COL12A1: variants seen among roughly 807,000 people sequenced by gnomAD.
The protein encoded by COL12A1 is collagen alpha-1(XII) chain.
A neutral mutation model predicts 349.7 loss-of-function variants in COL12A1; 114 were observed. That is an observed-to-expected ratio of 0.33 (90% CI 0.28 to 0.38). COL12A1 has a LOEUF of 0.38. COL12A1 is among the 10% of genes least tolerant of loss of function. The pLI is 1.00. For missense variants in COL12A1, 3,284 were observed against 3,756.9 expected (o/e 0.87, Z 3.29); for synonymous variants, 1,369 against 1,329.0 (o/e 1.03, Z -0.66).
rs560250 is a variant in COL12A1, at chr6:75,085,756, T to C, written c.*791A>G. On this transcript the variant is annotated 3_prime_UTR_variant, in exon 66 of 66. Transcript: ENST00000322507. ...GATGAGGAGGTGAGGGGAAGTTTCA[T>C]TGGCTCCTAGAAACTGAACTCGGGG... is the stretch of plus-strand genomic sequence containing the variant. The C allele has an allele frequency of 0.062, 13,032 of 210,878 alleles. 1,748 individuals carry two copies. Among genetic ancestry groups the C allele is most frequent in the African/African-American group, 0.28 (12,190 of 43,268 alleles). 13.1% of individuals were successfully genotyped at this position (210,878 alleles called of 1,614,324 possible).
chr6:75,126,332 G>T lies in COL12A1; in HGVS notation c.6460+19C>A. 2 of 1,601,220 alleles carry T rather than the reference G, an allele frequency of 1.2e-6. No homozygotes were observed. The highest frequency in any genetic ancestry group is 2.2e-5 in the South Asian group (2 of 89,858). On this transcript the variant is annotated intron_variant, in intron 39 of 65. Transcript: ENST00000322507. ...TAACCCTCCAAAGCATTTCTATGATGACAAAGGCACTTCCTTACCCACTGG... is the reference window on the plus strand; with the variant it reads ...TAACCCTCCAAAGCATTTCTATGATTACAAAGGCACTTCCTTACCCACTGG...
Position 75,103,655 on chromosome 6 carries a change from T to C in COL12A1, c.8319+102A>G, listed in dbSNP as rs183037492. ...TATATTACCTGAGGCACACTGAACC[T>C]GAGCTGACTTGCTCAAGATCACATA... On this transcript the variant is annotated intron_variant, in intron 55 of 65. Transcript: ENST00000322507. 455 of 892,404 alleles carry C rather than the reference T, an allele frequency of 5.1e-4. No individual in the cohort carries two copies. In the African/African-American group the frequency reaches 6.8e-3, roughly 13 times the overall value. The allele number at this position is 892,404 out of a possible 1,614,324, so 55.3% of individuals were successfully genotyped here.
chr6:75,145,563 G>A, intron 24 of COL12A1, 108 bp from the exon 25 acceptor site: 1 of 874,070 alleles, frequency 1.1e-6, no homozygotes, highest in East Asian at 3.9e-5. Flanking sequence ...AATACAGCTT[G>A]TATTTTTCAT....
At chr6:75,161,755 C>A (rs893688890) in intron 14 of COL12A1, among the ~76,000 whole-genome samples, 2 of 152,202 alleles carry the variant, frequency 1.3e-5, no homozygotes, top group Non-Finnish European at 2.9e-5. Context: ...ATTTAGAAAA[C>A]CTCACTGTCT....
chr6:75,142,274 A>G, intron 26 of COL12A1, 113 bp from the exon 27 acceptor site: 1 of 1,298,714 alleles, frequency 7.7e-7, no homozygotes, highest in Non-Finnish European at 1.1e-6. Context: ...ATCAGAAAAG[A>G]GCAGTGTTTT....
At chr6:75,087,302 T>TA (rs1767548390) in intron 65 of COL12A1, 3 of 408,374 alleles carry the variant, frequency 7.3e-6, no homozygotes, top group African/African-American at 6.2e-5. Flanking sequence ...AGTCAATTAC[T>TA]AGCATGCTTT....
chr6:75,131,181 A>T (rs1766283750), intron 35 of COL12A1, among the ~76,000 whole-genome samples, 200 bp from the exon 36 acceptor site: 1 of 152,136 alleles, frequency 6.6e-6, no homozygotes, highest in African/African-American at 2.4e-5. Flanking sequence ...CAAAAAAGTG[A>T]CCTCATCCTT....
At chr6:75,095,458 A>C (rs1767961516) in intron 59 of COL12A1, among the ~76,000 whole-genome samples, 1 of 151,810 alleles carries the variant, frequency 6.6e-6, no homozygotes, top group Non-Finnish European at 1.5e-5. Context: ...TCTACTAAAA[A>C]TACAAAAAAT....
Position 75,133,279 on chromosome 6 carries a change from G to T in COL12A1, c.5794+14C>A. ...CTTATGATGAAAAATTAATTTTTTGGCTTTATTACTTACATGTCCTTCCAG... is the reference window on the plus strand; with the variant it reads ...CTTATGATGAAAAATTAATTTTTTGTCTTTATTACTTACATGTCCTTCCAG... On this transcript the variant is annotated intron_variant, in intron 34 of 65. Coordinates refer to ENST00000322507, the MANE Select transcript of COL12A1 (RefSeq NM_004370.6). 2 of 1,554,870 alleles carry T rather than the reference G, an allele frequency of 1.3e-6. No homozygotes were observed. The highest frequency in any genetic ancestry group is 1.3e-5 in the South Asian group (1 of 77,742).
chr6:75,184,731 A>G (rs1438840105), intron 8 of COL12A1, among the ~76,000 whole-genome samples: 1 of 152,232 alleles, frequency 6.6e-6, no homozygotes, highest in Non-Finnish European at 1.5e-5. Context: ...AGGGGAAACA[A>G]TGGCTTATAA....
At chr6:75,155,566 AGT>A in intron 16 of COL12A1, 94 bp downstream of exon 16, 5 of 1,193,670 alleles carry the variant, frequency 4.2e-6, no homozygotes, top group Non-Finnish European at 5.9e-6. Context: ...CAGACATATA[AGT>A]GATATTTGTG....
At chr6:75,127,225 A>G (rs779875113) in intron 38 of COL12A1, among the ~76,000 whole-genome samples, 8 of 152,180 alleles carry the variant, frequency 5.3e-5, no homozygotes, top group Non-Finnish European at 1.0e-4. Flanking sequence ...AATATAGTCT[A>G]AAATCTGAGA....
At chr6:75,125,099 C>T (rs902380689) in intron 40 of COL12A1, 28 bp downstream of exon 40, 1 of 1,552,804 alleles carries the variant, frequency 6.4e-7, no homozygotes, top group Non-Finnish European at 8.7e-7. Context: ...CAGTTTTTCT[C>T]ACAACCATGA....
chr6:75,145,611 C>CTTTTTTTT (rs56698330), intron 24 of COL12A1, among the ~76,000 whole-genome samples, 156 bp from the exon 25 acceptor site: 5 of 121,176 alleles, frequency 4.1e-5, no homozygotes, highest in African/African-American at 1.6e-4. Flanking sequence ...CTGATGTTTT[C>CTTTTTTTT]TTTTTTTTTT....
rs369338731 is a variant in COL12A1 at position 75,117,316 on chromosome 6, A to G, written c.7519+66T>C. On this transcript the variant is annotated intron_variant, in intron 47 of 65. Coordinates refer to ENST00000322507, the MANE Select transcript of COL12A1 (RefSeq NM_004370.6). ...GACTTGATCCCACAAAGGATATAGA[A>G]TTGTCTACTAAGTAATTGTTTTTCA... is the stretch of plus-strand genomic sequence containing the variant. 28 of 1,517,118 alleles carry G rather than the reference A, an allele frequency of 1.8e-5. 1 individual carries two copies. The highest frequency in any genetic ancestry group is 1.1e-4 in the East Asian group (5 of 44,170). 94.0% of individuals were successfully genotyped at this position (1,517,118 alleles called of 1,614,324 possible).
At chr6:75,143,827 T>C (rs145038057) in intron 25 of COL12A1, among the ~76,000 whole-genome samples, 58 of 152,302 alleles carry the variant, frequency 3.8e-4, no homozygotes, top group African/African-American at 1.3e-3. Flanking sequence ...AGAATGAAGA[T>C]GAGCCCAACA....
chr6:75,136,257 G>A (rs193194209), intron 31 of COL12A1, among the ~76,000 whole-genome samples: 1 of 152,196 alleles, frequency 6.6e-6, no homozygotes, highest in African/African-American at 2.4e-5. Context: ...CATCTAATTT[G>A]TCTTATTTTC....
chr6:75,136,887 G>C (rs185722096), intron 31 of COL12A1, among the ~76,000 whole-genome samples: 10 of 152,178 alleles, frequency 6.6e-5, no homozygotes, highest in Non-Finnish European at 1.2e-4. Context: ...ACTGAGTTTC[G>C]AGTCCTACCA....
At chr6:75,131,513 G>C (rs544286522) in intron 35 of COL12A1, among the ~76,000 whole-genome samples, 56 of 152,188 alleles carry the variant, frequency 3.7e-4, no homozygotes, top group African/African-American at 1.3e-3. Context: ...TAGTTCATAG[G>C]TTTATTTTCC....
Sources: gnomAD v4.1 joint callset for allele counts (sites outside exome capture counted in the v4.1 genomes callset) on GRCh38, gnomAD v4.1.1 for gene constraint, MANE v1.5 for transcripts, NCBI Gene and HGNC (gene_info 2026-07-23, HGNC 2026-07-21) for gene names.